Variants in MYH9 observed in about 807,000 individuals in gnomAD.
The protein encoded by MYH9 is myosin heavy chain 9.
MYH9 carries 29 observed loss-of-function variants against 241.9 expected under a neutral mutation model. That is an observed-to-expected ratio of 0.12 (90% CI 0.09 to 0.16). The LOEUF (loss-of-function observed/expected upper bound fraction) is 0.16, where lower values mean the gene tolerates loss of function less well. Ranked by LOEUF, MYH9 falls within the 10% of genes least tolerant of loss-of-function variation. The pLI, the probability that MYH9 is intolerant of heterozygous loss-of-function variation, is 1.00. For synonymous variants in MYH9, 1,047 were observed against 1,062.6 expected, an observed-to-expected ratio of 0.99 and a Z score of 0.29; for missense variants, 1,803 against 2,595.5, an observed-to-expected ratio of 0.69 and a Z score of 6.63.
rs776237233 is a variant in MYH9, at chr22:36,298,916, C to A, written c.3100+3G>T. 1.2e-6 allele frequency: 2 copies of A among 1,613,886 alleles called. No homozygotes were observed. The highest frequency in any genetic ancestry group is 1.7e-6 in the Non-Finnish European group (2 of 1,179,976). ...CATCACCTCCTGCTCGTCACCCCCT[C>A]ACCTTCCAAGTCAGTGATCATTGCC... On this transcript the variant is annotated splice_donor_region_variant and intron_variant, in intron 24 of 40. Transcript: ENST00000216181.
intron 1 of MYH9, among the ~76,000 whole-genome samples, chr22:36,376,973 G>A (rs184798425): frequency 9.0e-4 from 137 of 152,110 alleles, no homozygotes; most frequent in African/African-American, 3.2e-3. Context: ...TGAGGCAGGT[G>A]AATCGCTTGA....
At chr22:36,304,178 T>G (rs1156735535) in intron 18 of MYH9, 23 bp from the exon 19 acceptor site, 1 of 1,612,746 alleles carries the variant, frequency 6.2e-7, no homozygotes, top group Non-Finnish European at 8.5e-7. Context: ...AGCAGGCCGT[T>G]TACCTGGCCA....
chr22:36,323,095 C>G (rs1741431165), intron 5 of MYH9, among the ~76,000 whole-genome samples: 2 of 152,234 alleles, frequency 1.3e-5, no homozygotes, highest in Admixed American at 1.3e-4. Context: ...ATGAGGCCCA[C>G]TTTGGGCTCC....
At position 36,349,036 on chromosome 22, in the gene MYH9, C is replaced by T. The variant is rs2017725451; in HGVS notation, c.201G>A (p.Val67=). Reference sequence around the variant, plus strand: ...TCATCTTCTGGATGTCATCCTTGTTCACCTTCACCTTCTTCCCATTCTCCA... The same window carrying T: ...TCATCTTCTGGATGTCATCCTTGTTTACCTTCACCTTCTTCCCATTCTCCA... ...ELVENGKKVK[V]NKDDIQKMNP... The change falls in exon 2 of 41, where the codon GTG becomes GTA. Residue 67 remains valine (V), a synonymous_variant. Transcript: ENST00000216181. 1 of 1,614,264 alleles carries T rather than the reference C, an allele frequency of 6.2e-7. No homozygotes were observed. Among genetic ancestry groups the T allele is most frequent in the Non-Finnish European group, 8.5e-7 (1 of 1,180,052 alleles).
intron 1 of MYH9, among the ~76,000 whole-genome samples, chr22:36,383,674 G>A (rs1236319764): frequency 6.6e-6 from 1 of 151,782 alleles, no homozygotes; most frequent in Non-Finnish European, 1.5e-5. Context: ...AAGGGGGGGG[G>A]GTGCCAGGTG....
chr22:36,324,165 T>C (rs2017299769), intron 5 of MYH9, among the ~76,000 whole-genome samples: 1 of 152,224 alleles, frequency 6.6e-6, no homozygotes, highest in African/African-American at 2.4e-5. Flanking sequence ...GACCACACGC[T>C]GTTGCCGTGG....
intron 1 of MYH9, among the ~76,000 whole-genome samples, chr22:36,359,753 T>C (rs896440341): frequency 5.3e-5 from 8 of 152,168 alleles, no homozygotes. Flanking sequence ...GAAGGTCGTG[T>C]GCCCTCCTGG....
In MYH9 at chr22:36,288,428, A is replaced by G. The variant is rs777470831; in HGVS notation, c.4771-15T>C. The stretch of plus-strand genomic sequence containing the variant: ...ATCTCCCGCACCTGGGGGAAGGAAC[A>G]TCAACAACTTGGGAAGCTGGACCCA... On this transcript the variant is annotated splice_polypyrimidine_tract_variant and intron_variant, in intron 33 of 40. Coordinates refer to ENST00000216181, the MANE Select transcript of MYH9 (RefSeq NM_002473.6). This position sits in a 1 kb window ranked among gnomAD's most constrained non-coding sequence, Gnocchi z 4.8. 12 of 1,606,602 alleles carry G rather than the reference A, an allele frequency of 7.5e-6. No individual in the cohort carries two copies. The Middle Eastern group carries it at 1.3e-3, about 176-fold the overall frequency.
chr22:36,326,841 A>G (rs1471355343), intron 4 of MYH9, among the ~76,000 whole-genome samples, 180 bp from the exon 5 acceptor site: 1 of 152,122 alleles, frequency 6.6e-6, no homozygotes, highest in Non-Finnish European at 1.5e-5. Context: ...TTCACTTCCC[A>G]TGGCTCTCCA....
At chr22:36,291,037 C>T (rs1336969270) in intron 31 of MYH9, among the ~76,000 whole-genome samples, 1 of 150,618 alleles carries the variant, frequency 6.6e-6, no homozygotes, top group Non-Finnish European at 1.5e-5. Context: ...CCGGCAGCCA[C>T]CCCATCCGGG....
At chr22:36,369,492 T>C (rs1222679688) in intron 1 of MYH9, among the ~76,000 whole-genome samples, 2 of 151,966 alleles carry the variant, frequency 1.3e-5, no homozygotes, top group East Asian at 1.9e-4. Context: ...GAGGGGGCGG[T>C]ATCCATTCTT....
Position 36,319,594 on chromosome 22 carries a change from T to A in MYH9, c.1054A>T (p.Ile352Phe). 1.9e-6 allele frequency: 3 copies of A among 1,614,110 alleles called. No individual in the cohort carries two copies. The highest frequency in any genetic ancestry group is 2.5e-6 in the Non-Finnish European group (3 of 1,180,026). Reference sequence around the variant, plus strand: ...GTGTTCCGCTCCTTCTTGAAGACGATGTTGCCGAGCTGAAGAACCCCTGAG... The same window carrying A: ...GTGTTCCGCTCCTTCTTGAAGACGAAGTTGCCGAGCTGAAGAACCCCTGAG... ...VISGVLQLGNIVFKKERNTDQ... is the reference protein window; with the variant it reads ...VISGVLQLGNFVFKKERNTDQ... The change falls in exon 10 of 41, where the codon ATC becomes TTC. Residue 352 changes from isoleucine (I) to phenylalanine (F), a missense_variant. Around this residue, in one of 11 missense-constraint regions of MYH9, gnomAD observed 222 missense variants for 359.9 expected, o/e 0.62. Coordinates refer to ENST00000216181, the MANE Select transcript of MYH9 (RefSeq NM_002473.6).
At position 36,330,320 on chromosome 22, in the gene MYH9, T is replaced by C. The variant is rs1295786045; in HGVS notation, c.491-2832A>G. Reference sequence around the variant, plus strand: ...TCATTGCATCTCTTACCGCACTGCTTAGTATCCTAAATCCACCGGCCGGAT... The same window carrying C: ...TCATTGCATCTCTTACCGCACTGCTCAGTATCCTAAATCCACCGGCCGGAT... On this transcript the variant is annotated intron_variant, in intron 3 of 40. Transcript: ENST00000216181. The surrounding 1 kb of genome is among the most constrained non-coding windows in gnomAD (Gnocchi z 4.5). 1.3e-5 allele frequency among the ~76,000 whole-genome samples: 2 copies of C among 152,202 alleles called. No individual in the cohort carries two copies. Among genetic ancestry groups the C allele is most frequent in the African/African-American group, 4.8e-5 (2 of 41,446 alleles).
Position 36,306,584 on chromosome 22 carries a change from G to A in MYH9, c.1867C>T (p.Gln623Ter). The A allele has an allele frequency of 6.2e-7, 1 of 1,613,630 alleles. No homozygotes were observed. The highest frequency in any genetic ancestry group is 8.5e-7 in the Non-Finnish European group (1 of 1,179,998). The change falls in exon 16 of 41, where the codon CAG becomes TAG. Residue 623 changes from glutamine (Q) to a stop codon, truncating the protein, a stop_gained. Coordinates refer to ENST00000216181, the MANE Select transcript of MYH9 (RefSeq NM_002473.6). LOFTEE classifies it high-confidence loss of function. This position sits in a 1 kb window ranked among gnomAD's most constrained non-coding sequence, Gnocchi z 4.1. ...GCGGTCTCCGACATGCCGGCCACCTGGTCCAGGCCGATGATGCGGTCCACT... is the reference window on the plus strand; with the variant it reads ...GCGGTCTCCGACATGCCGGCCACCTAGTCCAGGCCGATGATGCGGTCCACT... The part of the protein sequence containing the change: ...KDVDRIIGLD[Q>*]VAGMSETALP...
At position 36,282,787 on chromosome 22, in the gene MYH9, TG is replaced by T. The variant is rs141686520; in HGVS notation, c.5766-3del. On this transcript the variant is annotated splice_polypyrimidine_tract_variant and splice_region_variant and intron_variant, in intron 40 of 40. Transcript: ENST00000216181. ...ACGACAAACGGCAGGTCCCCGCGCCTGGGGGCAGAGGTAGAAGCAGAGGGTC... is the reference window on the plus strand; with the variant it reads ...ACGACAAACGGCAGGTCCCCGCGCCTGGGGCAGAGGTAGAAGCAGAGGGTC... 8,019 of 1,608,552 alleles carry T rather than the reference TG, an allele frequency of 5.0e-3. 327 individuals are homozygous for T. The African/African-American group carries it at 0.095, about 19-fold the overall frequency.
chr22:36,293,728 C>T lies in MYH9; in HGVS notation c.3942+31G>A, dbSNP rs2146336883. Reference sequence around the variant, plus strand: ...GACACAGAGGCCTTTCTGGAGGGGTCCACCTTCTGGGAACCTGGCGCCACC... The same window carrying T: ...GACACAGAGGCCTTTCTGGAGGGGTTCACCTTCTGGGAACCTGGCGCCACC... On this transcript the variant is annotated intron_variant, in intron 29 of 40. Transcript: ENST00000216181. The surrounding 1 kb of genome is among the most constrained non-coding windows in gnomAD (Gnocchi z 5.1). The T allele has an allele frequency of 6.3e-7, 1 of 1,595,720 alleles. No individual in the cohort carries two copies. The highest frequency in any genetic ancestry group is 8.6e-7 in the Non-Finnish European group (1 of 1,165,272).
At chr22:36,348,840 C>G in intron 2 of MYH9, 64 bp downstream of exon 2, 1 of 745,402 alleles carries the variant, frequency 1.3e-6, no homozygotes, top group Non-Finnish European at 1.9e-6. Flanking sequence ...TGGGAAGACC[C>G]GCCCCCCCCC....
At chr22:36,289,581 C>T (rs1464498966) in intron 31 of MYH9, among the ~76,000 whole-genome samples, 1 of 152,234 alleles carries the variant, frequency 6.6e-6, no homozygotes, top group East Asian at 1.9e-4. Context: ...GGCACGCTGC[C>T]CCTTCCATGA....
chr22:36,338,029 G>A (rs943500608), intron 3 of MYH9, among the ~76,000 whole-genome samples: 28 of 149,994 alleles, frequency 1.9e-4, no homozygotes, highest in Non-Finnish European at 1.2e-4. Flanking sequence ...ACCAAGTCTC[G>A]CTCTGTTGCC....
Sources: allele counts gnomAD v4.1 joint callset (sites outside exome capture counted in the v4.1 genomes callset), GRCh38; gene constraint gnomAD v4.1.1; regional missense constraint gnomAD v4.1.1; non-coding constraint Gnocchi (gnomAD v3.1); transcripts MANE v1.5; gene names NCBI Gene and HGNC (gene_info 2026-07-23, HGNC 2026-07-21).